The following URB1 variants were observed in gnomAD, a reference collection of about 807,000 sequenced individuals.
URB1 encodes the protein nucleolar pre-ribosomal-associated protein 1.
URB1 carries 197 observed loss-of-function variants against 242.3 expected under a neutral mutation model. The ratio of observed to expected loss-of-function variants is 0.81; its 90% CI spans 0.72 to 0.91. The LOEUF (loss-of-function observed/expected upper bound fraction) is 0.91. Ranked by LOEUF, URB1 falls within the 40% of genes least tolerant of loss-of-function variation. The pLI is 0.00. For missense variants in URB1, 2,721 were observed against 2,860.5 expected (o/e 0.95, Z 1.11); for synonymous variants, 1,153 against 1,201.8 (o/e 0.96, Z 0.84).
chr21:32,362,131 G>C, intron 11 of URB1, 110 bp from the exon 12 acceptor site: 3 of 1,366,192 alleles, frequency 2.2e-6, no homozygotes, highest in South Asian at 1.4e-5. Context: ...TGCGAGTCTA[G>C]AGGAGTGCGT....
rs1225071020 is a variant in URB1, at chr21:32,311,240, C to A, written c.*3678G>T. 3 of 171,572 alleles carry A rather than the reference C, an allele frequency of 1.7e-5. No individual in the cohort carries two copies. Among genetic ancestry groups the A allele is most frequent in the South Asian group, 1.6e-4 (1 of 6,238 alleles). The allele number at this position is 171,572 out of a possible 1,614,324, so 10.6% of individuals were successfully genotyped here. A position where few individuals can be genotyped will look rare whatever the true frequency, so the allele number is the denominator to read the frequency against. ...CCCGCCCCCATGATTCAATTACCTC[C>A]CACTGGGTCCTTCCCACGACACGTG... On this transcript the variant is annotated 3_prime_UTR_variant, in exon 39 of 39. Coordinates refer to ENST00000382751, the MANE Select transcript of URB1 (RefSeq NM_014825.3).
chr21:32,317,684 T>A lies in URB1; in HGVS notation c.6026A>T (p.Glu2009Val). Residue 2009 changes from glutamate to valine, a missense_variant, in exon 37 of 39, where the codon GAG (glutamate) becomes GTG (valine). Physicochemically the swap from Glu to Val is moderately radical, Grantham distance 121 (BLOSUM62 -2). Transcript: ENST00000382751. ...RAAIEKAQAR[E>V]LMKMLKDKNK... ...TGGGTTCTGACACTCACTCATGAGC[T>A]CCCGGGCTTGGGCCTTCTCAATGGC... 2 of 1,551,688 alleles carry A rather than the reference T, an allele frequency of 1.3e-6. No individual in the cohort carries two copies. The highest frequency in any genetic ancestry group is 1.7e-6 in the Non-Finnish European group (2 of 1,146,972).
At chr21:32,348,091 C>G (rs1287681786) in intron 21 of URB1, among the ~76,000 whole-genome samples, 2 of 152,190 alleles carry the variant, frequency 1.3e-5, no homozygotes, top group Non-Finnish European at 2.9e-5. Context: ...GGTGCCCCAC[C>G]CACATTTGCG....
chr21:32,339,550 G>T (rs2033004417), intron 25 of URB1, among the ~76,000 whole-genome samples: 1 of 150,840 alleles, frequency 6.6e-6, no homozygotes, highest in Admixed American at 6.6e-5. Flanking sequence ...GAGTGCAGTG[G>T]CATGATCTTG....
intron 15 of URB1, among the ~76,000 whole-genome samples, chr21:32,356,227 G>A (rs1290582237): frequency 6.6e-6 from 1 of 152,108 alleles, no homozygotes; most frequent in African/African-American, 2.4e-5. Context: ...ACAGCAAATA[G>A]TAATTAAAAA....
At chr21:32,388,388 C>T (rs905508014) in intron 1 of URB1, among the ~76,000 whole-genome samples, 3 of 152,248 alleles carry the variant, frequency 2.0e-5, no homozygotes, top group African/African-American at 7.2e-5. Flanking sequence ...TCAGCAGCAG[C>T]AGTGAAAATC....
intron 7 of URB1, 93 bp from the exon 8 acceptor site, chr21:32,372,724 T>A: frequency 7.3e-7 from 1 of 1,366,044 alleles, no homozygotes. Context: ...TAACTGCCGA[T>A]GACAATTTAG....
intron 5 of URB1, 127 bp from the exon 6 acceptor site, chr21:32,375,610 A>G: frequency 7.3e-6 from 4 of 550,956 alleles, no homozygotes; most frequent in Non-Finnish European, 1.2e-5. Flanking sequence ...TTTTTTTTTA[A>G]CTATACAAGT....
At chr21:32,318,706 T>C (rs1221411746) in intron 36 of URB1, among the ~76,000 whole-genome samples, 1 of 152,156 alleles carries the variant, frequency 6.6e-6, no homozygotes, top group Non-Finnish European at 1.5e-5. Context: ...GAAATTTAGC[T>C]CTTCTGAGGA....
rs912746887 is a variant in URB1, at chr21:32,375,429, A to T, written c.719T>A (p.Ile240Asn). Reference protein sequence around the residue: ...SGIKEDRISTINILLSTLKTK... With the variant: ...SGIKEDRISTNNILLSTLKTK... Reference sequence around the variant, plus strand: ...TTTCAGTGTGGATAATAAAATATTGATGGTAGAGATCCTATCTTCCTTTAT... The same window carrying T: ...TTTCAGTGTGGATAATAAAATATTGTTGGTAGAGATCCTATCTTCCTTTAT... The change falls in exon 6 of 39, where the codon ATC (isoleucine) becomes AAC (asparagine). Residue 240 changes from isoleucine to asparagine, a missense_variant. Coordinates refer to ENST00000382751, the MANE Select transcript of URB1 (RefSeq NM_014825.3). 1.3e-6 allele frequency: 2 copies of T among 1,540,180 alleles called. No individual in the cohort carries two copies. The highest frequency in any genetic ancestry group is 4.1e-5 in the Admixed American group (2 of 48,912).
At chr21:32,347,969 C>T (rs908911303) in intron 21 of URB1, among the ~76,000 whole-genome samples, 158 bp from the exon 22 acceptor site, 1 of 152,230 alleles carries the variant, frequency 6.6e-6, no homozygotes, top group Non-Finnish European at 1.5e-5. Flanking sequence ...CCATGCCCCC[C>T]TCGGGGTGCC....
intron 12 of URB1, 115 bp downstream of exon 12, chr21:32,361,777 T>G: frequency 2.9e-6 from 4 of 1,390,942 alleles, no homozygotes; most frequent in Non-Finnish European, 2.9e-6. Flanking sequence ...CAGCCAGAGG[T>G]GCCTTGAAAC....
At chr21:32,382,896 C>A (rs180724388) in intron 4 of URB1, among the ~76,000 whole-genome samples, 8 of 152,328 alleles carry the variant, frequency 5.3e-5, no homozygotes, top group Admixed American at 2.6e-4. Flanking sequence ...AACCAACCAT[C>A]CACACTCCCA....
At chr21:32,375,745 G>T (rs1037848159) in intron 5 of URB1, among the ~76,000 whole-genome samples, 43 of 152,014 alleles carry the variant, frequency 2.8e-4, no homozygotes, top group African/African-American at 7.2e-4. Context: ...AGGAGTTCAA[G>T]ACCAGCCTGG....
intron 23 of URB1, among the ~76,000 whole-genome samples, chr21:32,345,006 A>T (rs1023857467): frequency 6.6e-6 from 1 of 152,210 alleles, no homozygotes; most frequent in East Asian, 1.9e-4. Flanking sequence ...CTTTTTCTAA[A>T]TCAGGGTTTC....
chr21:32,388,108 G>A (rs942923478), intron 1 of URB1, among the ~76,000 whole-genome samples: 5 of 152,262 alleles, frequency 3.3e-5, no homozygotes, highest in South Asian at 4.1e-4. Flanking sequence ...GCATGAGCAC[G>A]CCATTACACC....
In URB1 at chr21:32,350,909, T is replaced by C. The variant is rs1601139126; in HGVS notation, c.2627A>G (p.Gln876Arg). The C allele has an allele frequency of 6.5e-7, 1 of 1,546,632 alleles. No individual in the cohort carries two copies. Among genetic ancestry groups the C allele is most frequent in the Non-Finnish European group, 8.7e-7 (1 of 1,146,516 alleles). Residue 876 changes from glutamine to arginine, a missense_variant, in exon 20 of 39, where the codon CAG becomes CGG. Physicochemically the swap from Gln to Arg is conservative, Grantham distance 43 (BLOSUM62 1). Transcript: ENST00000382751. ...QAREAWLLQA[Q>R]GSPSPPALPL... ...AAGGGCAGGGGGCGAGGGGCTGCCC[T>C]GTGCCTGCAGCAGCTGAGGGAGACA...
chr21:32,383,396 G>A (rs1177230842), intron 4 of URB1, 26 bp downstream of exon 4: 1 of 1,541,562 alleles, frequency 6.5e-7, no homozygotes, highest in Non-Finnish European at 8.8e-7. Context: ...ACCCATGGAA[G>A]GCACGAGACA....
intron 13 of URB1, 58 bp downstream of exon 13, chr21:32,360,949 C>T (rs200851617): frequency 3.2e-4 from 415 of 1,292,102 alleles, no homozygotes; most frequent in Non-Finnish European, 4.2e-4. Context: ...CTGCAGGGCT[C>T]TGCTCTGGTT....
Sources: allele counts gnomAD v4.1 joint callset (sites outside exome capture counted in the v4.1 genomes callset), GRCh38; gene constraint gnomAD v4.1.1; transcripts MANE v1.5; gene names NCBI Gene and HGNC (gene_info 2026-07-23, HGNC 2026-07-21).